Variants in JMJD6 observed in about 807,000 individuals in gnomAD.
JMJD6 encodes the protein bifunctional arginine demethylase and lysyl-hydroxylase JMJD6.
A neutral mutation model predicts 45.8 loss-of-function variants in JMJD6; 17 were observed. The ratio of observed to expected loss-of-function variants is 0.37; its 90% confidence interval spans 0.25 to 0.56. The LOEUF is 0.56. JMJD6 is among the 20% of genes least tolerant of loss of function. JMJD6 has a pLI of 0.79. For missense variants in JMJD6, 470 were observed against 517.5 expected (o/e 0.91, Z 0.89); for synonymous variants, 221 against 196.3 (o/e 1.13, Z -1.05).
chr17:76,723,726 C>A, intron 3 of JMJD6, 46 bp downstream of exon 3: 1 of 1,584,276 alleles, frequency 6.3e-7, no homozygotes, highest in Non-Finnish European at 8.6e-7. Flanking sequence ...CAGGCATGAA[C>A]CACCGCGCCC....
Position 76,721,873 on chromosome 17 carries a change from G to A in JMJD6, c.866C>T (p.Ala289Val). Residue 289 changes from alanine (A) to valine (V), a missense_variant, in exon 4 of 6, where the codon GCC becomes GTC. Physicochemically the swap from Ala to Val is moderately conservative, Grantham distance 64. Around this residue, in one of 4 missense-constraint regions of JMJD6, gnomAD observed 58 missense variants for 103.9 expected, o/e 0.56. Coordinates refer to ENST00000397625, the MANE Select transcript of JMJD6 (RefSeq NM_015167.3). ...DTTIAITQNF[A>V]SSTNFPVVWH... Reference sequence around the variant, plus strand: ...TACCACAGGGAAGTTGGTGCTGCTGGCAAAATTTTGGGTGATGGCGATAGT... The same window carrying A: ...TACCACAGGGAAGTTGGTGCTGCTGACAAAATTTTGGGTGATGGCGATAGT... 6.2e-7 allele frequency: 1 copy of A among 1,614,138 alleles called. No individual in the cohort carries two copies. Among genetic ancestry groups the A allele is most frequent in the South Asian group, 1.1e-5 (1 of 91,080 alleles).
chr17:76,716,645 G>A, downstream of JMJD6: 1 of 1,607,234 alleles, frequency 6.2e-7, no homozygotes, highest in East Asian at 2.2e-5. Flanking sequence ...GCTGCCAAAA[G>A]CTTACGCTGA....
chr17:76,719,056 A>G (rs927185813), intron 5 of JMJD6, among the ~76,000 whole-genome samples, 196 bp from the exon 6 acceptor site: 38 of 152,022 alleles, frequency 2.5e-4, no homozygotes, highest in African/African-American at 8.9e-4. Flanking sequence ...AGAATTTCAA[A>G]CTTCCCTCAG....
At chr17:76,714,323 T>A (rs1384928089), downstream of JMJD6, 1 of 152,212 alleles carries the variant, frequency 6.6e-6, no homozygotes, top group Non-Finnish European at 1.5e-5. Flanking sequence ...GCTCTTTGGT[T>A]TTAAGATCTG....
downstream of JMJD6, chr17:76,716,804 G>A (rs1014390): frequency 0.11 from 158,221 of 1,413,376 alleles, 9,295 homozygotes; most frequent in African/African-American, 0.22. Flanking sequence ...GTTAAAAGCA[G>A]GACCCCCGGG....
At chr17:76,714,358 GA>G (rs1306744233), downstream of JMJD6, 1 of 152,256 alleles carries the variant, frequency 6.6e-6, no homozygotes, top group African/African-American at 2.4e-5. Flanking sequence ...AATCATCCCT[GA>G]AAATAATCTA....
rs778533880 is a variant in JMJD6, at chr17:76,725,504, A to G, written c.481T>C (p.Phe161Leu). Residue 161 changes from phenylalanine to leucine, a missense_variant, in exon 2 of 6, where the codon TTC becomes CTC. This residue lies in a region of JMJD6 where 346 missense variants were observed against 339.5 expected (regional missense o/e 1.02). Coordinates refer to ENST00000397625, the MANE Select transcript of JMJD6 (RefSeq NM_015167.3). ...CTGCGCTTCTCCCCAGCATACTGGA[A>G]AAGGTCATCAGTGAAAAACTTTGGC... is the stretch of plus-strand genomic sequence containing the variant. ...KVPKFFTDDL[F>L]QYAGEKRRPP... is the part of the protein sequence containing the mutation. 6.2e-7 allele frequency: 1 copy of G among 1,614,034 alleles called. No homozygotes were observed. The highest frequency in any genetic ancestry group is 8.5e-7 in the Non-Finnish European group (1 of 1,179,992).
chr17:76,722,401 G>A (rs1169508858), intron 3 of JMJD6, among the ~76,000 whole-genome samples: 1 of 152,152 alleles, frequency 6.6e-6, no homozygotes, highest in African/African-American at 2.4e-5. Flanking sequence ...GACTCAACAC[G>A]GACAGTGCTA....
chr17:76,718,202 T>C (rs1288870570), downstream of JMJD6, among the ~76,000 whole-genome samples: 1 of 149,514 alleles, frequency 6.7e-6, no homozygotes, highest in Non-Finnish European at 1.5e-5. Flanking sequence ...ATCAGAGTTT[T>C]CTGCTGCTGT....
At chr17:76,723,042 T>C (rs1388348940) in intron 3 of JMJD6, among the ~76,000 whole-genome samples, 1 of 150,830 alleles carries the variant, frequency 6.6e-6, no homozygotes, top group Non-Finnish European at 1.5e-5. Context: ...CTCTTCCGGA[T>C]TCAAGTGATT....
intron 1 of JMJD6, 58 bp from the exon 2 acceptor site, chr17:76,725,913 A>G: frequency 6.6e-7 from 1 of 1,515,792 alleles, no homozygotes; most frequent in East Asian, 2.3e-5. Flanking sequence ...CCAGTGGCAG[A>G]TAAGGGTGTC....
At position 76,726,437 on chromosome 17, in the gene JMJD6, C is replaced by T; in HGVS notation, c.39G>A (p.Lys13=). The change falls in exon 1 of 6, where the codon AAG becomes AAA. Residue 13 remains lysine (K), a synonymous_variant. Coordinates refer to ENST00000397625, the MANE Select transcript of JMJD6 (RefSeq NM_015167.3). ...HKSKKRIREA[K]RSARPELKDS... is the part of the protein sequence containing the mutation. ...CCTTGAGCTCCGGCCGCGCACTCCG[C>T]TTGGCCTCGCGGATGCGCTTCTTGC... is the stretch of plus-strand genomic sequence containing the variant. The T allele has an allele frequency of 6.2e-7, 1 of 1,604,042 alleles. No individual in the cohort carries two copies. Among genetic ancestry groups the T allele is most frequent in the Non-Finnish European group, 8.5e-7 (1 of 1,176,258 alleles).
rs1395995133 is a variant in JMJD6 at position 76,721,587 on chromosome 17, CAG to C, written c.941+209_941+210del. Among the ~76,000 whole-genome samples, 5 of 152,302 alleles carry C rather than the reference CAG, an allele frequency of 3.3e-5. No homozygotes were observed. The East Asian group carries it at 9.6e-4, about 29-fold the overall frequency. On this transcript the variant is annotated intron_variant, in intron 4 of 5. Coordinates refer to ENST00000397625, the MANE Select transcript of JMJD6 (RefSeq NM_015167.3). ...GACTGAGTGGCTTGGATTCAACATG[CAG>C]AGTCTCACCCTGCCACCTCGAGGCT...
At chr17:76,714,980 TGC>T (rs2076754036), downstream of JMJD6, 1 of 152,190 alleles carries the variant, frequency 6.6e-6, no homozygotes, top group African/African-American at 2.4e-5. Context: ...TCAAAATTTC[TGC>T]TCCCCTATCC....
At chr17:76,721,756 GA>G in intron 4 of JMJD6, 41 bp downstream of exon 4, 1 of 1,602,782 alleles carries the variant, frequency 6.2e-7, no homozygotes, top group Non-Finnish European at 8.5e-7. Flanking sequence ...CTCTGGGGTC[GA>G]AATTGAAACC....
chr17:76,718,242 G>C (rs914815014), downstream of JMJD6, among the ~76,000 whole-genome samples: 61 of 151,202 alleles, frequency 4.0e-4, no homozygotes, highest in Non-Finnish European at 7.1e-4. Context: ...AAGCAGCAAC[G>C]GCAAACTGGG....
chr17:76,718,307 C>T (rs563986198), downstream of JMJD6: 164 of 463,088 alleles, frequency 3.5e-4, no homozygotes, highest in African/African-American at 2.8e-3. Context: ...GGTGACTTTT[C>T]CAATGGCTCT....
rs781435686 is a variant in JMJD6, at chr17:76,725,533, T to C, written c.452A>G (p.Lys151Arg). ...GTCATCAGTGAAAAACTTTGGCACCTTGTAGTCTTCCAAAAGTTTCCTTCT... is the reference window on the plus strand; with the variant it reads ...GTCATCAGTGAAAAACTTTGGCACCCTGTAGTCTTCCAAAAGTTTCCTTCT... ...PKRRKLLEDY[K>R]VPKFFTDDLF... Residue 151 changes from lysine to arginine, a missense_variant, in exon 2 of 6, where the codon AAG becomes AGG. Lys to Arg is a conservative substitution (Grantham distance 26, BLOSUM62 2). Transcript: ENST00000397625. The C allele has an allele frequency of 5.6e-6, 9 of 1,613,982 alleles. No homozygotes were observed. The highest frequency in any genetic ancestry group is 7.6e-6 in the Non-Finnish European group (9 of 1,180,016).
intron 5 of JMJD6, among the ~76,000 whole-genome samples, chr17:76,719,261 GACTC>G (rs773310394): frequency 2.0e-5 from 3 of 151,386 alleles, no homozygotes; most frequent in Non-Finnish European, 2.9e-5. Flanking sequence ...GACGAGAAAA[GACTC>G]AATCAGTAGA....
Sources: allele counts gnomAD v4.1 joint callset (sites outside exome capture counted in the v4.1 genomes callset), GRCh38; gene constraint gnomAD v4.1.1; regional missense constraint gnomAD v4.1.1; transcripts MANE v1.5; gene names NCBI Gene and HGNC (gene_info 2026-07-23, HGNC 2026-07-21).